ERC1: variants seen among roughly 807,000 people sequenced by gnomAD.
ERC1 encodes ELKS/RAB6-interacting/CAST family member 1, also known as RAB6 interacting protein 2.
Under a neutral mutation model 132.0 loss-of-function variants are expected in ERC1, and 56 were observed. That is an observed-to-expected ratio of 0.42 (90% confidence interval 0.34 to 0.53). The LOEUF (loss-of-function observed/expected upper bound fraction) is 0.53, where lower values mean the gene tolerates loss of function less well. Ranked by LOEUF, ERC1 falls within the 20% of genes least tolerant of loss-of-function variation. The pLI, the probability that ERC1 is intolerant of heterozygous loss-of-function variation, is 0.03. For synonymous variants in ERC1, 478 were observed against 476.1 expected, an observed-to-expected ratio of 1.00 and a Z score of -0.05; for missense variants, 1,202 against 1,349.9, an observed-to-expected ratio of 0.89 and a Z score of 1.72.
Position 1,327,576 on chromosome 12 carries a change from T to C in ERC1, c.2780+37564T>C, listed in dbSNP as rs60930605. On this transcript the variant is annotated intron_variant, in intron 15 of 18. Coordinates refer to ENST00000360905, the MANE Select transcript of ERC1 (RefSeq NM_178040.4). Reference sequence around the variant, plus strand: ...GTCCCCTTTTTCTCTCCCTTACAACTGATGGTCTCTATGAGTCCACTTTTA... The same window carrying C: ...GTCCCCTTTTTCTCTCCCTTACAACCGATGGTCTCTATGAGTCCACTTTTA... Among the ~76,000 whole-genome samples the C allele has an allele frequency of 3.1e-4, 47 of 152,334 alleles. 1 individual carries two copies. Among genetic ancestry groups the C allele is most frequent in the African/African-American group, 1.1e-3 (47 of 41,580 alleles).
Position 1,106,836 on chromosome 12 carries a change from A to G in ERC1, c.1161+2012A>G, listed in dbSNP as rs75853593. On this transcript the variant is annotated intron_variant, in intron 4 of 18. Transcript: ENST00000360905. ...TAATAGTATTACTTGGTGGCAATGG[A>G]TGCATTTTAAGTTGTGTGAACCTTC... 3.4e-3 allele frequency among the ~76,000 whole-genome samples: 523 copies of G among 152,294 alleles called. 4 individuals carry two copies. Among genetic ancestry groups the G allele is most frequent in the African/African-American group, 0.012 (492 of 41,546 alleles).
chr12:1,373,229 C>T (rs1323079786), intron 16 of ERC1, among the ~76,000 whole-genome samples: 8 of 152,166 alleles, frequency 5.3e-5, no homozygotes, highest in Non-Finnish European at 8.8e-5. Flanking sequence ...AAATTTGGCT[C>T]ATCAAAGCTG....
At chr12:1,195,973 A>G (rs1956193360) in intron 12 of ERC1, among the ~76,000 whole-genome samples, 1 of 145,064 alleles carries the variant, frequency 6.9e-6, no homozygotes, top group South Asian at 2.3e-4. Flanking sequence ...GAAAGCTGGG[A>G]CAACACACGG....
At chr12:1,347,231 A>G (rs2084563834) in intron 15 of ERC1, among the ~76,000 whole-genome samples, 1 of 152,212 alleles carries the variant, frequency 6.6e-6, no homozygotes, top group Admixed American at 6.5e-5. Flanking sequence ...CCTAATCAAA[A>G]TTAACTACTT....
At chr12:1,306,489 C>G (rs928912270) in intron 15 of ERC1, among the ~76,000 whole-genome samples, 1 of 152,142 alleles carries the variant, frequency 6.6e-6, no homozygotes, top group African/African-American at 2.4e-5. Context: ...GAAAACATTT[C>G]TTTTTATTTC....
intron 12 of ERC1, among the ~76,000 whole-genome samples, chr12:1,208,380 ATTAGTG>A (rs1957533017): frequency 6.6e-6 from 1 of 151,996 alleles, no homozygotes; most frequent in Non-Finnish European, 1.5e-5. Context: ...ATCAACTATT[ATTAGTG>A]TTAGTGTATT....
intron 1 of ERC1, among the ~76,000 whole-genome samples, chr12:1,009,029 G>A (rs778625986): frequency 8.6e-5 from 13 of 152,036 alleles, no homozygotes; most frequent in Non-Finnish European, 1.8e-4. Context: ...GGGAGGAGCT[G>A]TGAGGAACAT....
intron 18 of ERC1, among the ~76,000 whole-genome samples, chr12:1,473,833 A>G (rs1447289582): frequency 6.6e-6 from 1 of 152,158 alleles, no homozygotes; most frequent in Non-Finnish European, 1.5e-5. Flanking sequence ...CCCTGGTACT[A>G]AGTGCTAAAG....
intron 18 of ERC1, among the ~76,000 whole-genome samples, chr12:1,485,264 G>A (rs1318960658): frequency 7.0e-6 from 1 of 143,596 alleles, no homozygotes; most frequent in East Asian, 2.0e-4. Context: ...GAGTGCAGTG[G>A]CGTGATCTTA....
intron 7 of ERC1, among the ~76,000 whole-genome samples, chr12:1,140,261 A>G (rs1949741920): frequency 6.6e-6 from 1 of 152,140 alleles, no homozygotes; most frequent in Non-Finnish European, 1.5e-5. Context: ...AATTTTCCAT[A>G]CTACTTAACT....
chr12:1,461,731 C>G (rs1461551205), intron 18 of ERC1, among the ~76,000 whole-genome samples: 1 of 152,014 alleles, frequency 6.6e-6, no homozygotes, highest in Non-Finnish European at 1.5e-5. Flanking sequence ...TGTTTTAAGC[C>G]TTAATAAAGA....
rs116791600 is a variant in ERC1 at position 1,401,990 on chromosome 12, T to C, written c.2926-6159T>C. ...AGACTGAGAAGGTACATTCATCTGA[T>C]AGGAGTTTTGAGAAAGACCATAGGG... is the stretch of plus-strand genomic sequence containing the variant. On this transcript the variant is annotated intron_variant, in intron 16 of 18. Coordinates refer to ENST00000360905, the MANE Select transcript of ERC1 (RefSeq NM_178040.4). 3.0e-3 allele frequency among the ~76,000 whole-genome samples: 454 copies of C among 152,194 alleles called. 1 individual carries two copies. The highest frequency in any genetic ancestry group is 0.01 in the African/African-American group (427 of 41,530).
intron 8 of ERC1, among the ~76,000 whole-genome samples, chr12:1,149,463 A>T (rs141698583): frequency 6.6e-6 from 1 of 152,166 alleles, no homozygotes; most frequent in African/African-American, 2.4e-5. Context: ...CAGTGGTGCA[A>T]TTATGGCTCA....
chr12:1,103,117 G>C (rs1944863128), intron 3 of ERC1, among the ~76,000 whole-genome samples: 1 of 152,112 alleles, frequency 6.6e-6, no homozygotes, highest in Non-Finnish European at 1.5e-5. Context: ...ACATTTTCTT[G>C]CATAGCGACA....
intron 12 of ERC1, among the ~76,000 whole-genome samples, chr12:1,196,830 CTGTCTGTCTCTCTGTCTG>C (rs1566212777): frequency 0.011 from 1,241 of 109,248 alleles, 2 homozygotes; most frequent in Non-Finnish European, 0.015. Context: ...CTCTCTCTCT[CTGTCTGTCTCTCTGTCTG>C]TCTCTCTCTC....
At chr12:1,141,901 T>C in intron 8 of ERC1, 114 bp downstream of exon 8, 1 of 848,700 alleles carries the variant, frequency 1.2e-6, no homozygotes, top group East Asian at 3.0e-5. Flanking sequence ...AGTTTATATT[T>C]TTGTGATTAG....
intron 12 of ERC1, among the ~76,000 whole-genome samples, chr12:1,202,791 AC>A (rs1372445136): frequency 6.6e-6 from 1 of 152,154 alleles, no homozygotes; most frequent in African/African-American, 2.4e-5. Context: ...CCATGGATTT[AC>A]CCGTGTGTTA....
chr12:1,326,001 A>T (rs1033130186), intron 15 of ERC1, among the ~76,000 whole-genome samples: 1 of 152,130 alleles, frequency 6.6e-6, no homozygotes, highest in African/African-American at 2.4e-5. Flanking sequence ...GAAACTGCCA[A>T]TCTTCTACTT....
intron 8 of ERC1, among the ~76,000 whole-genome samples, chr12:1,157,601 C>A (rs1951523891): frequency 6.6e-6 from 1 of 152,092 alleles, no homozygotes; most frequent in African/African-American, 2.4e-5. Flanking sequence ...TTTATTTTTG[C>A]AGGAATTTCT....
Sources: gnomAD v4.1 joint callset for allele counts (sites outside exome capture counted in the v4.1 genomes callset) on GRCh38, gnomAD v4.1.1 for gene constraint, MANE v1.5 for transcripts, NCBI Gene and HGNC (gene_info 2026-07-23, HGNC 2026-07-21) for gene names.